Variants in RNF213 observed in about 807,000 individuals in gnomAD.
RNF213 encodes the protein ring finger protein 213.
Under a neutral mutation model 514.4 loss-of-function variants are expected in RNF213, and 341 were observed. That is an observed-to-expected ratio of 0.66 (90% CI 0.61 to 0.73). The LOEUF (loss-of-function observed/expected upper bound fraction) is 0.73, where lower values mean the gene tolerates loss of function less well. RNF213 is among the 30% of genes least tolerant of loss of function. RNF213 has a pLI of 0.00. For synonymous variants in RNF213, 2,655 were observed against 2,658.2 expected, an observed-to-expected ratio of 1.00 and a Z score of 0.04; for missense variants, 5,767 against 6,615.6, an observed-to-expected ratio of 0.87 and a Z score of 4.45.
In RNF213 at chr17:80,263,501, G is replaced by C; in HGVS notation, c.-108-73G>C. The C allele has an allele frequency of 1.5e-6, 1 of 649,384 alleles. No homozygotes were observed. Among genetic ancestry groups the C allele is most frequent in the South Asian group, 1.7e-5 (1 of 58,294 alleles). 40.2% of individuals were successfully genotyped at this position (649,384 alleles called of 1,614,324 possible). On this transcript the variant is annotated intron_variant, in intron 1 of 67. Transcript: ENST00000582970. This position sits in a 1 kb window ranked among gnomAD's most constrained non-coding sequence, Gnocchi z 4.9. ...GCAGCACAGAGCGGGGAGGGGCTGGGCTTGGGCTGTGCTCCTGTTGGGTTT... is the reference window on the plus strand; with the variant it reads ...GCAGCACAGAGCGGGGAGGGGCTGGCCTTGGGCTGTGCTCCTGTTGGGTTT...
In RNF213 at chr17:80,390,129, G is replaced by A. The variant is rs768258155; in HGVS notation, c.15403G>A (p.Glu5135Lys). 5.0e-6 allele frequency: 8 copies of A among 1,614,174 alleles called. No individual in the cohort carries two copies. In the South Asian group the frequency reaches 5.5e-5, roughly 11 times the overall value. Residue 5135 changes from glutamate (E) to lysine (K), a missense_variant, in exon 67 of 68, where the codon GAA becomes AAA. Coordinates refer to ENST00000582970, the MANE Select transcript of RNF213 (RefSeq NM_001256071.3). ...GLDAFLLELH[E>K]MIILKLKNPQ... ...AGACGCCTTCCTGCTAGAGCTGCAC[G>A]AAATGATAATCTTGAAACTAAAGAA...
At chr17:80,262,223 G>A (rs964809722) in intron 1 of RNF213, among the ~76,000 whole-genome samples, 1 of 152,042 alleles carries the variant, frequency 6.6e-6, no homozygotes, top group African/African-American at 2.4e-5. Flanking sequence ...GGCTGTGGCA[G>A]GGGTAGGGGA....
In RNF213 at chr17:80,288,834, C is replaced by T. The variant is rs1310552876; in HGVS notation, c.933+79C>T. On this transcript the variant is annotated intron_variant, in intron 5 of 67. Coordinates refer to ENST00000582970, the MANE Select transcript of RNF213 (RefSeq NM_001256071.3). This position sits in a 1 kb window ranked among gnomAD's most constrained non-coding sequence, Gnocchi z 4.9. ...GCGCCTCTTTCATTTAATTATTCAG[C>T]AAATATTTAAGTGCTGGGGATATAG... 1 of 1,604,514 alleles carries T rather than the reference C, an allele frequency of 6.2e-7. No homozygotes were observed. The highest frequency in any genetic ancestry group is 1.3e-5 in the African/African-American group (1 of 74,804).
chr17:80,356,738 C>T (rs908332827), intron 36 of RNF213, among the ~76,000 whole-genome samples: 15 of 152,208 alleles, frequency 9.9e-5, no homozygotes, highest in African/African-American at 2.2e-4. Context: ...CTTTTGTGTT[C>T]GCGACACTTT....
rs534417238 is a variant in RNF213 at position 80,298,537 on chromosome 17, C to G, written c.2210+19C>G. On this transcript the variant is annotated intron_variant, in intron 11 of 67. Transcript: ENST00000582970. ...TAGATACGTAAGTCGTAGAGTTGTG[C>G]TTATCTACATGAATCTGGGAAGACT... is the stretch of plus-strand genomic sequence containing the variant. 9.9e-6 allele frequency: 16 copies of G among 1,613,886 alleles called. No homozygotes were observed. The African/African-American group carries it at 2.1e-4, about 22-fold the overall frequency.
intron 8 of RNF213, 124 bp from the exon 9 acceptor site, chr17:80,294,588 TTCCCTTCC>T (rs941579775): frequency 1.4e-5 from 16 of 1,182,796 alleles, no homozygotes; most frequent in South Asian, 5.0e-5. Flanking sequence ...GTTTTTGCTT[TTCCCTTCC>T]TCCCTTCCTC....
intron 59 of RNF213, among the ~76,000 whole-genome samples, chr17:80,384,339 G>A (rs374900333): frequency 1.3e-5 from 2 of 152,226 alleles, no homozygotes; most frequent in East Asian, 1.9e-4. Flanking sequence ...CGTGGAAGAC[G>A]GGAGTGAGTG....
chr17:80,339,363 G>T lies in RNF213; in HGVS notation c.4996G>T (p.Gly1666Cys), dbSNP rs2078082497. Residue 1666 changes from glycine to cysteine, a missense_variant, in exon 26 of 68, where the codon GGT (glycine) becomes TGT (cysteine). Physicochemically the swap from Gly to Cys is radical, Grantham distance 159. This residue lies in a region of RNF213 where 1,377 missense variants were observed against 1,635.2 expected (regional missense o/e 0.84). Transcript: ENST00000582970. ...GLDLVTELKE[G>C]GDVTELLAAL... The stretch of plus-strand genomic sequence containing the variant: ...GGACCTGGTGACGGAGCTTAAAGAA[G>T]GTGGAGATGTCACTGAGCTGCTGGC... 1 of 1,537,270 alleles carries T rather than the reference G, an allele frequency of 6.5e-7. No homozygotes were observed. Among genetic ancestry groups the T allele is most frequent in the Non-Finnish European group, 8.7e-7 (1 of 1,146,920 alleles).
At position 80,339,692 on chromosome 17, in the gene RNF213, G is replaced by A. The variant is rs2078092702; in HGVS notation, c.5325G>A (p.Val1775=). The A allele has an allele frequency of 3.3e-6, 5 of 1,537,094 alleles. No homozygotes were observed. Among genetic ancestry groups the A allele is most frequent in the Middle Eastern group, 1.7e-4 (1 of 6,012 alleles). Residue 1775 remains valine (V), a synonymous_variant, in exon 26 of 68, where the codon GTG becomes GTA. Coordinates refer to ENST00000582970, the MANE Select transcript of RNF213 (RefSeq NM_001256071.3). ...TGCTCTTATCAGAGTTCAGCCTGGT[G>A]GACAAGCTGAGGATCATCATGGAGC... is the stretch of plus-strand genomic sequence containing the variant. ...PLMLLSEFSL[V]DKLRIIMEQS...
chr17:80,356,335 C>T (rs115036942), intron 36 of RNF213, among the ~76,000 whole-genome samples: 4,609 of 152,140 alleles, frequency 0.03, 93 homozygotes, highest in East Asian at 0.15. Flanking sequence ...CTCCACTCCC[C>T]GGGACCAGCC....
chr17:80,290,316 TGCGTTC>T (rs1213170787), intron 6 of RNF213, among the ~76,000 whole-genome samples: 1 of 152,048 alleles, frequency 6.6e-6, no homozygotes, highest in East Asian at 1.9e-4. Context: ...TGTGTGCGTG[TGCGTTC>T]ACGTGTGTGT....
At chr17:80,261,525 C>T (rs868254854) in intron 1 of RNF213, among the ~76,000 whole-genome samples, 7 of 152,186 alleles carry the variant, frequency 4.6e-5, no homozygotes, top group Admixed American at 3.3e-4. Context: ...AGGAGCTGTG[C>T]AAACATGGTG....
Position 80,340,245 on chromosome 17 carries a change from C to G in RNF213, c.5878C>G (p.Gln1960Glu), listed in dbSNP as rs2078111827. Residue 1960 changes from glutamine to glutamate, a missense_variant, in exon 26 of 68, where the codon CAA (glutamine) becomes GAA (glutamate). Coordinates refer to ENST00000582970, the MANE Select transcript of RNF213 (RefSeq NM_001256071.3). ...CCCCCAGGCACCCCTCGAGGCCATC[C>G]AAGCCTACCTGGCAGGTCACTACCG... ...VTPQAPLEAI[Q>E]AYLAGHYRVP... 2 of 1,614,062 alleles carry G rather than the reference C, an allele frequency of 1.2e-6. No individual in the cohort carries two copies. The highest frequency in any genetic ancestry group is 1.7e-5 in the Admixed American group (1 of 60,008).
intron 56 of RNF213, chr17:80,381,332 A>C (rs1304838351): frequency 3.1e-6 from 2 of 636,256 alleles, no homozygotes; most frequent in Non-Finnish European, 2.8e-6. Context: ...CCAACAGTAC[A>C]ATCTGGATAT....
Position 80,389,307 on chromosome 17 carries a change from G to T in RNF213, c.15135G>T (p.Gln5045His). Residue 5045 changes from glutamine (Q) to histidine (H), a missense_variant, in exon 65 of 68, where the codon CAG becomes CAT. Physicochemically the swap from Gln to His is conservative, Grantham distance 24. This residue lies in a region of RNF213 where 1,245 missense variants were observed against 1,339.0 expected (regional missense o/e 0.93). Coordinates refer to ENST00000582970, the MANE Select transcript of RNF213 (RefSeq NM_001256071.3). ...CAGCTGGTGGGGATCCAAACATGCA[G>T]CTGAATGTGTATACTCAAGACATCC... ...LSTAGGDPNM[Q>H]LNVYTQDILQ... 1 of 1,614,240 alleles carries T rather than the reference G, an allele frequency of 6.2e-7. No homozygotes were observed. The highest frequency in any genetic ancestry group is 8.5e-7 in the Non-Finnish European group (1 of 1,180,050).
Position 80,376,584 on chromosome 17 carries a change from C to A in RNF213, c.13428+41C>A, listed in dbSNP as rs116464658. 2,598 of 1,612,540 alleles carry A rather than the reference C, an allele frequency of 1.6e-3. 37 individuals carry two copies. In the African/African-American group the frequency reaches 0.03, roughly 19 times the overall value. The stretch of plus-strand genomic sequence containing the variant: ...AATTCCATCGGCCTTCACTGGAACA[C>A]CCCCCAGAGCTTGTCACTGTAGAGA... On this transcript the variant is annotated intron_variant, in intron 52 of 67. Coordinates refer to ENST00000582970, the MANE Select transcript of RNF213 (RefSeq NM_001256071.3).
At chr17:80,289,903 C>A (rs986373100) in intron 6 of RNF213, 66 bp downstream of exon 6, 5 of 1,480,256 alleles carry the variant, frequency 3.4e-6, no homozygotes, top group Non-Finnish European at 4.6e-6. Flanking sequence ...CCTCTCCCTG[C>A]ACAACTCTCA....
intron 41 of RNF213, 44 bp from the exon 42 acceptor site, chr17:80,364,389 G>C: frequency 6.2e-7 from 1 of 1,613,462 alleles, no homozygotes; most frequent in Non-Finnish European, 8.5e-7. Context: ...TGGGTTCCTT[G>C]GTGGGAGCCG....
intron 55 of RNF213, among the ~76,000 whole-genome samples, chr17:80,380,529 A>C (rs969945172): frequency 2.0e-5 from 3 of 152,142 alleles, no homozygotes; most frequent in Non-Finnish European, 4.4e-5. Context: ...TCCTCTCCTG[A>C]CAAAGACTTC....
Sources: gnomAD v4.1 joint callset for allele counts (sites outside exome capture counted in the v4.1 genomes callset) on GRCh38, gnomAD v4.1.1 for gene constraint, gnomAD v4.1.1 regional missense constraint, Gnocchi (gnomAD v3.1) non-coding constraint, MANE v1.5 for transcripts, NCBI Gene and HGNC (gene_info 2026-07-23, HGNC 2026-07-21) for gene names.